ZNF519: variants seen among roughly 807,000 people sequenced by gnomAD.
The protein encoded by ZNF519 is zinc finger protein 519.
A neutral mutation model predicts 7.4 loss-of-function variants in ZNF519; 7 were observed. The observed-to-expected ratio is 0.94, with a 90% CI of 0.54 to 1.77. The LOEUF (loss-of-function observed/expected upper bound fraction) is 1.77, where lower values mean the gene tolerates loss of function less well. Ranked by LOEUF, ZNF519 falls within the 40% of genes most tolerant of loss-of-function variation. The pLI, the probability that ZNF519 is intolerant of heterozygous loss-of-function variation, is 0.00. For missense variants in ZNF519, 586 were observed against 623.1 expected (o/e 0.94, Z 0.63); for synonymous variants, 179 against 203.3 (o/e 0.88, Z 1.02).
chr18:14,111,220 C>G (rs1334626604), intron 2 of ZNF519, among the ~76,000 whole-genome samples: 1 of 115,684 alleles, frequency 8.6e-6, no homozygotes, highest in Non-Finnish European at 1.8e-5. Flanking sequence ...AAAAAGAAAA[C>G]TCAGCCAGGC....
downstream of ZNF519, among the ~76,000 whole-genome samples, chr18:14,099,450 T>G (rs546782843): frequency 6.6e-6 from 1 of 152,304 alleles, no homozygotes; most frequent in African/African-American, 2.4e-5. Flanking sequence ...ATACTTATTA[T>G]GTATATTATA....
intron 2 of ZNF519, 129 bp from the exon 3 acceptor site, chr18:14,106,538 A>ACAGAG (rs2046193936): frequency 1.4e-6 from 1 of 722,768 alleles, no homozygotes; most frequent in African/African-American, 1.8e-5. Flanking sequence ...CCAAGAAAGG[A>ACAGAG]CAGAGCAAGA....
chr18:14,084,541 A>G, intron 3 of ZNF519, among the ~76,000 whole-genome samples: 1 of 151,872 alleles, frequency 6.6e-6, no homozygotes, highest in Non-Finnish European at 1.5e-5. Flanking sequence ...CTGACCCCCC[A>G]CTTCAAGTTA....
rs1251288406 is a variant in ZNF519, at chr18:14,104,402, G to A, written c.*515C>T. The A allele has an allele frequency of 2.6e-5, 4 of 152,906 alleles. No homozygotes were observed. In the East Asian group the frequency reaches 7.7e-4, roughly 29 times the overall value. The allele number at this position is 152,906 out of a possible 1,614,324, so 9.5% of individuals were successfully genotyped here. ...TACATCCTATATGCCAATGCTCTTA[G>A]TCTTCCATGGGAAACTTGTGAATGA... On this transcript the variant is annotated 3_prime_UTR_variant, in exon 3 of 3. Transcript: ENST00000590202.
chr18:14,115,179 A>G (rs1044368428), intron 2 of ZNF519, among the ~76,000 whole-genome samples: 41 of 152,212 alleles, frequency 2.7e-4, no homozygotes, highest in Admixed American at 2.1e-3. Flanking sequence ...TGTGCCCAGC[A>G]CAGCTTTATC....
At position 14,105,165 on chromosome 18, in the gene ZNF519, A is replaced by T; in HGVS notation, c.1375T>A (p.Ser459Thr). ...RHQRIHTGEK[S>T]FKCEECGKAF... ...TTGCCACATTCTTCACATTTGAAAGACTTCTCTCCAGTATGGATTCTTTGA... is the reference window on the plus strand; with the variant it reads ...TTGCCACATTCTTCACATTTGAAAGTCTTCTCTCCAGTATGGATTCTTTGA... Residue 459 changes from serine (S) to threonine (T), a missense_variant, in exon 3 of 3, where the codon TCT becomes ACT. By Grantham distance (58) the Ser-to-Thr change is moderately conservative. Coordinates refer to ENST00000590202, the MANE Select transcript of ZNF519 (RefSeq NM_145287.4). 6.2e-7 allele frequency: 1 copy of T among 1,609,400 alleles called. No homozygotes were observed. Among genetic ancestry groups the T allele is most frequent in the Non-Finnish European group, 8.5e-7 (1 of 1,178,342 alleles).
intron 2 of ZNF519, among the ~76,000 whole-genome samples, chr18:14,112,864 T>A (rs2046228608): frequency 6.6e-6 from 1 of 152,180 alleles, no homozygotes. Flanking sequence ...ACAGACTTAA[T>A]GCAACCCTAT....
intron 3 of ZNF519, among the ~76,000 whole-genome samples, chr18:14,084,597 G>A (rs2046082588): frequency 6.6e-6 from 1 of 152,110 alleles, no homozygotes; most frequent in Non-Finnish European, 1.5e-5. Context: ...AGGGTGGGCA[G>A]AGCTTTTCCC....
intron 3 of ZNF519, chr18:14,084,380 G>A (rs1056129636): frequency 2.6e-5 from 4 of 152,236 alleles, no homozygotes; most frequent in African/African-American, 4.8e-5. Context: ...ATGTGGAAGA[G>A]GTGGTCCTAC....
Position 14,100,711 on chromosome 18 carries a change from G to C in ZNF519, c.*4206C>G, listed in dbSNP as rs1307223886. On this transcript the variant is annotated 3_prime_UTR_variant, in exon 3 of 3. Coordinates refer to ENST00000590202, the MANE Select transcript of ZNF519 (RefSeq NM_145287.4). Reference sequence around the variant, plus strand: ...AAGGGAAGCGGATGTGGTTATAAGAGGAAAACGAGTTAATCTTCTGGTAGG... The same window carrying C: ...AAGGGAAGCGGATGTGGTTATAAGACGAAAACGAGTTAATCTTCTGGTAGG... The C allele has an allele frequency of 5.3e-5, 8 of 152,082 alleles. No individual in the cohort carries two copies. Among genetic ancestry groups the C allele is most frequent in the African/African-American group, 1.9e-4 (8 of 41,408 alleles). The allele number at this position is 152,082 out of a possible 1,614,324, so 9.4% of individuals were successfully genotyped here. A position where few individuals can be genotyped will look rare whatever the true frequency, so the allele number is the denominator to read the frequency against.
downstream of ZNF519, among the ~76,000 whole-genome samples, chr18:14,098,624 G>A (rs990093182): frequency 6.6e-6 from 1 of 152,174 alleles, no homozygotes; most frequent in Non-Finnish European, 1.5e-5. Flanking sequence ...CATGAATGCT[G>A]ATGTGGCATT....
At chr18:14,092,085 G>A (rs1410505392) in intron 2 of ZNF519, among the ~76,000 whole-genome samples, 1 of 152,194 alleles carries the variant, frequency 6.6e-6, no homozygotes, top group Non-Finnish European at 1.5e-5. Flanking sequence ...CTGGGAGGCC[G>A]TACCAGTGAA....
At chr18:14,113,042 CCAA>C (rs1462866348) in intron 2 of ZNF519, among the ~76,000 whole-genome samples, 5 of 152,240 alleles carry the variant, frequency 3.3e-5, no homozygotes, top group South Asian at 2.1e-4. Flanking sequence ...CATGTTGTTG[CCAA>C]CAACAGGATC....
chr18:14,113,751 T>C (rs2046233288), intron 2 of ZNF519, among the ~76,000 whole-genome samples: 1 of 151,292 alleles, frequency 6.6e-6, no homozygotes. Context: ...ATAATTTACA[T>C]CCCCACCAAG....
chr18:14,097,427 CA>C (rs575014012), downstream of ZNF519, among the ~76,000 whole-genome samples: 68 of 152,248 alleles, frequency 4.5e-4, no homozygotes, highest in South Asian at 0.014. Context: ...AGCCTGTGCC[CA>C]CATCATCACC....
chr18:14,118,268 C>T (rs1185759807), intron 2 of ZNF519, among the ~76,000 whole-genome samples: 1 of 152,032 alleles, frequency 6.6e-6, no homozygotes, highest in Non-Finnish European at 1.5e-5. Flanking sequence ...CCATGTTAGC[C>T]AGGATGGTCT....
chr18:14,094,923 C>G (rs2046129615), intron 2 of ZNF519, among the ~76,000 whole-genome samples: 1 of 152,146 alleles, frequency 6.6e-6, no homozygotes, highest in African/African-American at 2.4e-5. Flanking sequence ...TCAACTTACT[C>G]TGATAAATTT....
At chr18:14,128,645 C>A (rs2046313601) in intron 1 of ZNF519, among the ~76,000 whole-genome samples, 1 of 150,262 alleles carries the variant, frequency 6.7e-6, no homozygotes, top group South Asian at 2.1e-4. Context: ...AATTACATTT[C>A]AAAGCAATAG....
intron 3 of ZNF519, among the ~76,000 whole-genome samples, chr18:14,081,231 AAT>A (rs778714385): frequency 6.6e-5 from 10 of 152,126 alleles, no homozygotes; most frequent in African/African-American, 9.7e-5. Flanking sequence ...GGTTGTTGTT[AAT>A]GGGGGACACT....
Sources: allele counts gnomAD v4.1 joint callset (sites outside exome capture counted in the v4.1 genomes callset), GRCh38; gene constraint gnomAD v4.1.1; transcripts MANE v1.5; gene names NCBI Gene and HGNC (gene_info 2026-07-23, HGNC 2026-07-21).